The following PLEC variants were observed in gnomAD, a reference collection of about 807,000 sequenced individuals.
PLEC encodes hemidesmosomal protein 1.
PLEC carries 216 observed loss-of-function variants against 392.8 expected under a neutral mutation model. The observed-to-expected ratio is 0.55, with a 90% confidence interval of 0.49 to 0.62. The LOEUF (loss-of-function observed/expected upper bound fraction) is 0.62. PLEC is among the 20% of genes least tolerant of loss of function. The pLI is 0.00. For synonymous variants in PLEC, 3,621 were observed against 2,980.6 expected, an observed-to-expected ratio of 1.21 and a Z score of -7.00; for missense variants, 6,863 against 6,563.4, an observed-to-expected ratio of 1.05 and a Z score of -1.58.
At chr8:143,932,610 C>A in intron 15 of PLEC, 25 bp downstream of exon 15, 1 of 1,611,840 alleles carries the variant, frequency 6.2e-7, no homozygotes, top group Non-Finnish European at 8.5e-7. Context: ...ACCCACCTCC[C>A]CCGGCTGGCC....
At chr8:143,938,835 C>A in intron 1 of PLEC, 143 bp from the exon 2 acceptor site, 1 of 750,112 alleles carries the variant, frequency 1.3e-6, no homozygotes, top group East Asian at 2.6e-5. Flanking sequence ...ACACTGAGAC[C>A]CAGGCGCCCT....
Position 143,917,835 on chromosome 8 carries a change from C to G in PLEC, c.11986G>C (p.Val3996Leu). The G allele has an allele frequency of 6.2e-7, 1 of 1,613,476 alleles. No homozygotes were observed. The highest frequency in any genetic ancestry group is 8.5e-7 in the Non-Finnish European group (1 of 1,180,012). ...AGCTTGTCCTTGAACTCGGGGCCCA[C>G]AATGCCCATACGCACAGCCTCCTCC... ...TVEEAVRMGI[V>L]GPEFKDKLLS... is the part of the protein sequence containing the mutation. The change falls in exon 32 of 32, where the codon GTG (valine) becomes CTG (leucine). Residue 3996 changes from valine to leucine, a missense_variant. Val to Leu is a conservative substitution (Grantham distance 32, BLOSUM62 1). Coordinates refer to ENST00000345136, the MANE Select transcript of PLEC (RefSeq NM_201384.3).
intron 1 of PLEC, among the ~76,000 whole-genome samples, chr8:143,939,129 C>G (rs1362172440): frequency 3.3e-5 from 5 of 152,212 alleles, no homozygotes; most frequent in Non-Finnish European, 7.3e-5. Context: ...GCGCAGAGTT[C>G]CTCGCCCTTC....
upstream of PLEC, among the ~76,000 whole-genome samples, chr8:143,952,220 A>ACGCACG (rs1554737432): frequency 1.7e-4 from 24 of 139,892 alleles, no homozygotes; most frequent in East Asian, 4.0e-4. Flanking sequence ...GCGCGCACAC[A>ACGCACG]CGCACGCGCA....
intron 1 of PLEC, among the ~76,000 whole-genome samples, chr8:143,967,092 G>A (rs563255524): frequency 3.0e-4 from 46 of 152,192 alleles, no homozygotes; most frequent in African/African-American, 1.0e-3. Flanking sequence ...GGCCAGGCGC[G>A]GTGGCTCACG....
chr8:143,938,602 T>C, intron 2 of PLEC, 29 bp downstream of exon 2: 2 of 1,604,570 alleles, frequency 1.2e-6, no homozygotes, highest in Non-Finnish European at 1.7e-6. Flanking sequence ...CCTCAGCCCC[T>C]GTGACACGCA....
rs78999991 is a variant in PLEC at position 143,917,978 on chromosome 8, G to A, written c.11843C>T (p.Ser3948Leu). Residue 3948 changes from serine to leucine, a missense_variant, in exon 32 of 32, where the codon TCG becomes TTG. Coordinates refer to ENST00000345136, the MANE Select transcript of PLEC (RefSeq NM_201384.3). ...VFVDATKERL[S>L]VYQAMKKGII... ...GCCCTTCTTCATGGCCTGGTACACC[G>A]AGAGCCGTTCCTTGGTGGCGTCCAC... 49 of 1,612,670 alleles carry A rather than the reference G, an allele frequency of 3.0e-5. No individual in the cohort carries two copies. Among genetic ancestry groups the A allele is most frequent in the African/African-American group, 1.5e-4 (11 of 75,038 alleles).
At chr8:143,946,629 G>T in intron 1 of PLEC, 1 of 301,496 alleles carries the variant, frequency 3.3e-6, no homozygotes, top group Non-Finnish European at 6.7e-6. Context: ...ATCCCAGAGA[G>T]CCCTCCGGCC....
chr8:143,937,986 G>A lies in PLEC; in HGVS notation c.264+165C>T, dbSNP rs553136766. Among the ~76,000 whole-genome samples, 4 of 152,320 alleles carry A rather than the reference G, an allele frequency of 2.6e-5. No individual in the cohort carries two copies. In the East Asian group the frequency reaches 7.7e-4, roughly 29 times the overall value. On this transcript the variant is annotated intron_variant, in intron 3 of 31. Coordinates refer to ENST00000345136, the MANE Select transcript of PLEC (RefSeq NM_201384.3). ...CTGTGATGCCCAGCAGCCTGGGCGGGAGGTGCTGCCAGGGACGAGGCCAGC... is the reference window on the plus strand; with the variant it reads ...CTGTGATGCCCAGCAGCCTGGGCGGAAGGTGCTGCCAGGGACGAGGCCAGC...
upstream of PLEC, chr8:143,944,001 C>A: frequency 2.6e-6 from 4 of 1,509,588 alleles, no homozygotes; most frequent in East Asian, 2.5e-5. Context: ...GCGCCGGGAC[C>A]GGAGCCTGCC....
rs781844059 is a variant in PLEC, at chr8:143,924,455, G to A, written c.5474C>T (p.Ala1825Val). The stretch of plus-strand genomic sequence containing the variant: ...CCGCTCCGCCTCGGCCCGCTGCCGC[G>A]CCGCGTCTTCCTCGGCCAGCTGCCG... ...RQRQLAEEDA[A>V]RQRAEAERVL... is the part of the protein sequence containing the mutation. Residue 1825 changes from alanine to valine, a missense_variant, in exon 31 of 32, where the codon GCG (alanine) becomes GTG (valine). Ala to Val is a moderately conservative substitution (Grantham distance 64). Transcript: ENST00000345136. 3.0e-5 allele frequency: 46 copies of A among 1,551,142 alleles called. No homozygotes were observed. The highest frequency in any genetic ancestry group is 3.5e-5 in the Non-Finnish European group (41 of 1,158,216).
chr8:143,922,912 C>G lies in PLEC; in HGVS notation c.7017G>C (p.Ala2339=). The G allele has an allele frequency of 6.3e-7, 1 of 1,596,838 alleles. No individual in the cohort carries two copies. The highest frequency in any genetic ancestry group is 8.5e-7 in the Non-Finnish European group (1 of 1,172,162). ...CCTGCAGCCGCCGCGCCTGCTCCTG[C>G]GCAAGCTCCTTCTGCTGCTGCAGCA... The part of the protein sequence containing the change: ...AELLQQQKEL[A]QEQARRLQED... The change falls in exon 31 of 32, where the codon GCG becomes GCC. Residue 2339 remains alanine (A), a synonymous_variant. Coordinates refer to ENST00000345136, the MANE Select transcript of PLEC (RefSeq NM_201384.3).
chr8:143,928,968 G>A, intron 25 of PLEC, 135 bp downstream of exon 25: 2 of 789,292 alleles, frequency 2.5e-6, no homozygotes, highest in Non-Finnish European at 2.1e-6. Context: ...ACCCCAGCTG[G>A]GCCTCCCGCC....
chr8:143,929,673 G>A lies in PLEC; in HGVS notation c.2896C>T (p.Gln966Ter). ...REYGSCSHHY[Q>*]QLLQSLEQGA... Reference sequence around the variant, plus strand: ...TGTTCCAGGCTCTGCAGCAGCTGCTGGTAGTGGTGGCTGCAGGAGCCGTAC... The same window carrying A: ...TGTTCCAGGCTCTGCAGCAGCTGCTAGTAGTGGTGGCTGCAGGAGCCGTAC... Residue 966 changes from glutamine (Q) to a stop codon, truncating the protein, a stop_gained, in exon 23 of 32, where the codon CAG becomes TAG. Transcript: ENST00000345136. LOFTEE classifies it high-confidence loss of function. 6.2e-7 allele frequency: 1 copy of A among 1,601,162 alleles called. No homozygotes were observed. Among genetic ancestry groups the A allele is most frequent in the Non-Finnish European group, 8.5e-7 (1 of 1,179,370 alleles).
chr8:143,921,816 G>T lies in PLEC; in HGVS notation c.8005C>A (p.Leu2669Met), dbSNP rs376154528. The change falls in exon 32 of 32, where the codon CTG (leucine) becomes ATG (methionine). Residue 2669 changes from leucine (L) to methionine (M), a missense_variant. By Grantham distance (15) the Leu-to-Met change is conservative. Coordinates refer to ENST00000345136, the MANE Select transcript of PLEC (RefSeq NM_201384.3). ...GTGTGGCCCTGCGCCAACCGCTGCA[G>T]CTCCTCCGCACTCAGGATGCCGGCC... ...QEAGILSAEELQRLAQGHTTV... is the reference protein window; with the variant it reads ...QEAGILSAEEMQRLAQGHTTV... The T allele has an allele frequency of 1.2e-6, 2 of 1,608,442 alleles. No individual in the cohort carries two copies. Among genetic ancestry groups the T allele is most frequent in the Non-Finnish European group, 1.7e-6 (2 of 1,179,736 alleles).
intron 1 of PLEC, chr8:143,946,386 T>C: frequency 7.8e-7 from 1 of 1,288,622 alleles, no homozygotes; most frequent in Non-Finnish European, 1.0e-6. Context: ...ATGCTGTACC[T>C]GTCCATGGCT....
chr8:143,950,298 G>GCTC (rs782186733), exon 1 of PLEC: 2 of 1,571,272 alleles, frequency 1.3e-6, no homozygotes, highest in Non-Finnish European at 1.7e-6. Flanking sequence ...TAGACCCGCT[G>GCTC]CTCCTCCGTC....
chr8:143,937,171 G>A lies in PLEC; in HGVS notation c.336C>T (p.His112=). The A allele has an allele frequency of 6.2e-7, 1 of 1,612,256 alleles. No individual in the cohort carries two copies. The highest frequency in any genetic ancestry group is 8.5e-7 in the Non-Finnish European group (1 of 1,179,362). The part of the protein sequence containing the change: ...NVQIALDYLR[H]RQVKLVNIRN... ...GCCTGCCGGGCAGCCTTACCTGGCG[G>A]TGCCGGAGGTAGTCCAGGGCAATCT... The change falls in exon 4 of 32, where the codon CAC becomes CAT. Residue 112 remains histidine, a synonymous_variant. Transcript: ENST00000345136.
chr8:143,935,778 T>A, intron 6 of PLEC, 70 bp downstream of exon 6: 1 of 1,547,424 alleles, frequency 6.5e-7, no homozygotes, highest in Non-Finnish European at 8.9e-7. Flanking sequence ...CCAACGTGTC[T>A]GAAGTTGCCT....
Sources: allele counts gnomAD v4.1 joint callset (sites outside exome capture counted in the v4.1 genomes callset), GRCh38; gene constraint gnomAD v4.1.1; transcripts MANE v1.5; gene names NCBI Gene and HGNC (gene_info 2026-07-23, HGNC 2026-07-21).